MECOM: variants seen among roughly 807,000 people sequenced by gnomAD.
MECOM encodes histone-lysine N-methyltransferase MECOM.
A neutral mutation model predicts 116.3 loss-of-function variants in MECOM; 13 were observed. That is an observed-to-expected ratio of 0.11 (90% CI 0.07 to 0.18). The LOEUF is 0.18. MECOM is among the 10% of genes least tolerant of loss of function. MECOM has a pLI of 1.00. For synonymous variants in MECOM, 528 were observed against 535.2 expected (o/e 0.99, Z 0.19); for missense variants, 1,299 against 1,509.0 (o/e 0.86, Z 2.31).
chr3:169,604,886 T>A (rs898100840), intron 1 of MECOM, among the ~76,000 whole-genome samples: 6 of 152,154 alleles, frequency 3.9e-5, no homozygotes, highest in African/African-American at 1.4e-4. Flanking sequence ...TTCTTGGGGG[T>A]ATCTCATTTT....
chr3:169,648,201 G>C (rs549205877), intron 1 of MECOM, among the ~76,000 whole-genome samples: 55 of 152,332 alleles, frequency 3.6e-4, no homozygotes, highest in African/African-American at 1.3e-3. Flanking sequence ...CACTTGGAAG[G>C]TTAACTAAGA....
intron 1 of MECOM, among the ~76,000 whole-genome samples, chr3:169,660,768 G>A (rs1026522842): frequency 6.6e-6 from 1 of 152,090 alleles, no homozygotes; most frequent in African/African-American, 2.4e-5. Context: ...CGCGCTACTC[G>A]GGGGAAGGAA....
intron 2 of MECOM, among the ~76,000 whole-genome samples, chr3:169,229,645 T>G (rs1753142263): frequency 6.6e-6 from 1 of 152,082 alleles, no homozygotes; most frequent in Non-Finnish European, 1.5e-5. Context: ...GCAGGTCATT[T>G]TTAAAAGCTA....
chr3:169,451,748 A>C (rs1745639536), intron 1 of MECOM, among the ~76,000 whole-genome samples: 2 of 152,282 alleles, frequency 1.3e-5, no homozygotes, highest in Middle Eastern at 3.4e-3. Context: ...TACAGTTTAC[A>C]CAAAATTTCT....
intron 2 of MECOM, among the ~76,000 whole-genome samples, chr3:169,340,790 T>C (rs878923112): frequency 6.6e-6 from 1 of 152,210 alleles, no homozygotes; most frequent in Admixed American, 6.5e-5. Flanking sequence ...CAGCTCAAGA[T>C]GATTTAGGGG....
At position 169,129,165 on chromosome 3, in the gene MECOM, G is replaced by C. The variant is rs371628674; in HGVS notation, c.614-1105C>G. On this transcript the variant is annotated intron_variant, in intron 4 of 16. Coordinates refer to ENST00000651503, the MANE Select transcript of MECOM (RefSeq NM_004991.4). Reference sequence around the variant, plus strand: ...TCTGTAATGAGTAAGAATCAGCCAGGTGAAGTGGAAGGAGGGGGCACATTT... The same window carrying C: ...TCTGTAATGAGTAAGAATCAGCCAGCTGAAGTGGAAGGAGGGGGCACATTT... 1.2e-3 allele frequency among the ~76,000 whole-genome samples: 180 copies of C among 152,178 alleles called. 1 individual carries two copies. The South Asian group carries it at 0.037, about 31-fold the overall frequency.
chr3:169,420,448 CT>C (rs1739516745), intron 1 of MECOM, among the ~76,000 whole-genome samples: 1 of 152,074 alleles, frequency 6.6e-6, no homozygotes, highest in African/African-American at 2.4e-5. Context: ...ACCCATGGAT[CT>C]GAAATTCAAA....
At chr3:169,205,187 G>T (rs1559990020) in intron 2 of MECOM, among the ~76,000 whole-genome samples, 1 of 152,078 alleles carries the variant, frequency 6.6e-6, no homozygotes, top group South Asian at 2.1e-4. Context: ...AGCCTACAAT[G>T]AATTTTTATA....
chr3:169,645,819 A>G (rs1381529262), intron 1 of MECOM, among the ~76,000 whole-genome samples: 1 of 152,166 alleles, frequency 6.6e-6, no homozygotes, highest in Non-Finnish European at 1.5e-5. Context: ...CCTATTGTTT[A>G]ATCAAAATGA....
intron 1 of MECOM, among the ~76,000 whole-genome samples, chr3:169,414,237 C>T (rs749263523): frequency 1.7e-4 from 26 of 152,208 alleles, no homozygotes; most frequent in Non-Finnish European, 3.7e-4. Flanking sequence ...TGGTGAGACC[C>T]AGGCAAACAG....
At chr3:169,396,187 C>T (rs1356655176) in intron 1 of MECOM, among the ~76,000 whole-genome samples, 8 of 152,110 alleles carry the variant, frequency 5.3e-5, no homozygotes, top group Non-Finnish European at 8.8e-5. Context: ...ACAAGAAATT[C>T]AAATAATCTA....
chr3:169,346,283 T>C lies in MECOM; in HGVS notation c.375+34904A>G, dbSNP rs78101948. Among the ~76,000 whole-genome samples, 517 of 152,262 alleles carry C rather than the reference T, an allele frequency of 3.4e-3. 5 individuals are homozygous for C. Among genetic ancestry groups the C allele is most frequent in the African/African-American group, 0.012 (498 of 41,576 alleles). ...ACTGCAGCCAGGTCAAACTATTTAT[T>C]CTGTTTTCATTATGAACTGCATATT... On this transcript the variant is annotated intron_variant, in intron 2 of 16. Transcript: ENST00000651503.
At chr3:169,618,271 C>T (rs1770266284) in intron 1 of MECOM, among the ~76,000 whole-genome samples, 1 of 152,234 alleles carries the variant, frequency 6.6e-6, no homozygotes, top group African/African-American at 2.4e-5. Context: ...CTTTCGTTTA[C>T]TCCCACTAGC....
At chr3:169,568,041 G>A (rs1326146100) in intron 1 of MECOM, among the ~76,000 whole-genome samples, 7 of 152,228 alleles carry the variant, frequency 4.6e-5, no homozygotes, top group South Asian at 2.1e-4. Flanking sequence ...ATTGGGACTC[G>A]TTGGACAGTG....
At chr3:169,649,926 T>C (rs1245746988) in intron 1 of MECOM, among the ~76,000 whole-genome samples, 1 of 152,222 alleles carries the variant, frequency 6.6e-6, no homozygotes, top group Non-Finnish European at 1.5e-5. Flanking sequence ...ATAAGCAAAA[T>C]AGTTCTTGCC....
intron 1 of MECOM, among the ~76,000 whole-genome samples, chr3:169,613,243 TGTCA>T (rs1769499013): frequency 6.6e-6 from 1 of 152,188 alleles, no homozygotes; most frequent in South Asian, 2.1e-4. Flanking sequence ...TGGTTTTATT[TGTCA>T]GTGTTTGTTG....
At chr3:169,584,113 G>A (rs1028580781) in intron 1 of MECOM, among the ~76,000 whole-genome samples, 4 of 152,106 alleles carry the variant, frequency 2.6e-5, no homozygotes, top group Admixed American at 1.3e-4. Context: ...AGGCTCCTCA[G>A]TCCATAAGCA....
rs780185684 is a variant in MECOM at position 169,115,616 on chromosome 3, C to T, written c.2256G>A (p.Lys752=). The change falls in exon 8 of 17, where the codon AAG becomes AAA. Residue 752 remains lysine (K), a synonymous_variant. Transcript: ENST00000651503. ...GCTTGGAGGGGACTGGAGTCAAGGGCTTCTCATCCTTTCGCTTAGTGGTGA... is the reference window on the plus strand; with the variant it reads ...GCTTGGAGGGGACTGGAGTCAAGGGTTTCTCATCCTTTCGCTTAGTGGTGA... ...FDLTTKRKDE[K]PLTPVPSKPP... is the part of the protein sequence containing the mutation. 5 of 1,614,116 alleles carry T rather than the reference C, an allele frequency of 3.1e-6. No homozygotes were observed. Among genetic ancestry groups the T allele is most frequent in the Non-Finnish European group, 4.2e-6 (5 of 1,180,016 alleles).
intron 1 of MECOM, among the ~76,000 whole-genome samples, chr3:169,417,428 G>T (rs1263938588): frequency 6.6e-6 from 1 of 152,170 alleles, no homozygotes; most frequent in Non-Finnish European, 1.5e-5. Flanking sequence ...ACACCACTTA[G>T]AATGGCAATC....
Sources: allele counts gnomAD v4.1 joint callset (sites outside exome capture counted in the v4.1 genomes callset), GRCh38; gene constraint gnomAD v4.1.1; transcripts MANE v1.5; gene names NCBI Gene and HGNC (gene_info 2026-07-23, HGNC 2026-07-21).